CNTNAP2: variants seen among roughly 807,000 people sequenced by gnomAD.
The protein encoded by CNTNAP2 is contactin-associated protein-like 2.
CNTNAP2 carries 98 observed loss-of-function variants against 155.2 expected under a neutral mutation model. The ratio of observed to expected loss-of-function variants is 0.63; its 90% confidence interval spans 0.54 to 0.75. The LOEUF is 0.75. CNTNAP2 is among the 30% of genes least tolerant of loss of function. The pLI, the probability that CNTNAP2 is intolerant of heterozygous loss-of-function variation, is 0.00. For synonymous variants in CNTNAP2, 651 were observed against 631.2 expected (o/e 1.03, Z -0.47); for missense variants, 1,727 against 1,688.1 (o/e 1.02, Z -0.40).
intron 1 of CNTNAP2, among the ~76,000 whole-genome samples, chr7:146,449,934 T>A (rs1796453863): frequency 6.6e-6 from 1 of 152,184 alleles, no homozygotes; most frequent in South Asian, 2.1e-4. Context: ...CCAGTTGATT[T>A]CTGTGGAGCA....
chr7:147,557,212 C>T (rs112440886), intron 11 of CNTNAP2, among the ~76,000 whole-genome samples: 4 of 151,624 alleles, frequency 2.6e-5, no homozygotes, highest in African/African-American at 4.8e-5. Flanking sequence ...TGCAGTGAGC[C>T]GAGATTGCAC....
At chr7:148,177,895 G>GTTTTTTT (rs71527883) in intron 18 of CNTNAP2, among the ~76,000 whole-genome samples, 1 of 146,724 alleles carries the variant, frequency 6.8e-6, no homozygotes, top group African/African-American at 2.5e-5. Flanking sequence ...AACAGACACT[G>GTTTTTTT]TTTTTTTTTT....
chr7:146,407,803 A>G (rs1795813786), intron 1 of CNTNAP2, among the ~76,000 whole-genome samples: 1 of 152,242 alleles, frequency 6.6e-6, no homozygotes, highest in Non-Finnish European at 1.5e-5. Flanking sequence ...AGACAGCAAG[A>G]CCAAGCCCTC....
intron 3 of CNTNAP2, among the ~76,000 whole-genome samples, chr7:146,983,237 A>T (rs1524339): frequency 6.6e-6 from 1 of 152,014 alleles, no homozygotes; most frequent in African/African-American, 2.4e-5. Flanking sequence ...GCTGAATGGA[A>T]GTGGGAGTGT....
chr7:146,879,848 A>G (rs1212908528), intron 3 of CNTNAP2, among the ~76,000 whole-genome samples: 2 of 152,136 alleles, frequency 1.3e-5, no homozygotes, highest in Admixed American at 6.6e-5. Flanking sequence ...TAATTTATAA[A>G]GAAAAAGAAG....
chr7:146,296,543 C>T (rs1800517608), intron 1 of CNTNAP2, among the ~76,000 whole-genome samples: 1 of 152,070 alleles, frequency 6.6e-6, no homozygotes, highest in Non-Finnish European at 1.5e-5. Flanking sequence ...TTCCAGGCAG[C>T]AGACTTCAGG....
chr7:148,115,304 T>C (rs1804444156), intron 15 of CNTNAP2, among the ~76,000 whole-genome samples: 1 of 152,256 alleles, frequency 6.6e-6, no homozygotes, highest in Non-Finnish European at 1.5e-5. Flanking sequence ...CTTTTAGCTT[T>C]CCTTTTTCTA....
intron 14 of CNTNAP2, among the ~76,000 whole-genome samples, chr7:147,951,463 A>ATG (rs1800928853): frequency 6.6e-6 from 1 of 152,216 alleles, no homozygotes; most frequent in African/African-American, 2.4e-5. Flanking sequence ...CTTAGAATAT[A>ATG]TGTTCCAAAC....
At chr7:146,881,105 G>T (rs1367952189) in intron 3 of CNTNAP2, among the ~76,000 whole-genome samples, 2 of 152,030 alleles carry the variant, frequency 1.3e-5, no homozygotes, top group Admixed American at 1.3e-4. Flanking sequence ...CCAGAATTTT[G>T]AGCCAAGTCT....
At chr7:147,545,619 G>T (rs759500130) in intron 11 of CNTNAP2, among the ~76,000 whole-genome samples, 7 of 152,166 alleles carry the variant, frequency 4.6e-5, no homozygotes, top group African/African-American at 7.2e-5. Flanking sequence ...CTTGCCTGGG[G>T]CTGGGCAGTC....
At chr7:147,094,324 TTTC>T (rs1471922109) in intron 4 of CNTNAP2, among the ~76,000 whole-genome samples, 2 of 152,170 alleles carry the variant, frequency 1.3e-5, no homozygotes, top group Non-Finnish European at 2.9e-5. Context: ...GCTCTCCTCT[TTTC>T]TTCTTAAGTC....
At position 146,674,750 on chromosome 7, in the gene CNTNAP2, G is replaced by A. The variant is rs564800383; in HGVS notation, c.98-99521G>A. Among the ~76,000 whole-genome samples the A allele has an allele frequency of 9.9e-5, 15 of 152,198 alleles. No homozygotes were observed. The South Asian group carries it at 3.1e-3, about 32-fold the overall frequency. On this transcript the variant is annotated intron_variant, in intron 1 of 23. Coordinates refer to ENST00000361727, the MANE Select transcript of CNTNAP2 (RefSeq NM_014141.6). The stretch of plus-strand genomic sequence containing the variant: ...GGAAGAGACTAGATAAAGAAAAGGA[G>A]GGTTTAATCCCTGGGTGGCCGGAGT...
intron 1 of CNTNAP2, among the ~76,000 whole-genome samples, chr7:146,232,924 C>T (rs910997316): frequency 6.6e-6 from 1 of 152,098 alleles, no homozygotes; most frequent in Non-Finnish European, 1.5e-5. Flanking sequence ...GGCCCTTAGG[C>T]TCCAGTTAAG....
At chr7:146,536,191 A>C (rs904859734) in intron 1 of CNTNAP2, among the ~76,000 whole-genome samples, 4 of 151,986 alleles carry the variant, frequency 2.6e-5, no homozygotes, top group Non-Finnish European at 5.9e-5. Context: ...AGCAAATTGC[A>C]CTCAGAATTA....
At chr7:148,358,762 G>A (rs1798566549) in intron 21 of CNTNAP2, among the ~76,000 whole-genome samples, 1 of 152,190 alleles carries the variant, frequency 6.6e-6, no homozygotes, top group Non-Finnish European at 1.5e-5. Context: ...CTCCAGGCCT[G>A]TTTCCTCTGT....
At chr7:146,133,240 G>A (rs1328283852) in intron 1 of CNTNAP2, among the ~76,000 whole-genome samples, 6 of 152,034 alleles carry the variant, frequency 3.9e-5, no homozygotes, top group African/African-American at 1.2e-4. Flanking sequence ...CATGTCCTTT[G>A]CCCACTTTTT....
chr7:147,067,246 A>AGTG (rs1799798373), intron 4 of CNTNAP2, among the ~76,000 whole-genome samples: 1 of 141,582 alleles, frequency 7.1e-6, no homozygotes, highest in African/African-American at 2.7e-5. Flanking sequence ...AGCCAAGGTC[A>AGTG]CGCCAATGCA....
At chr7:147,353,825 T>A (rs1331548621) in intron 9 of CNTNAP2, among the ~76,000 whole-genome samples, 2 of 152,176 alleles carry the variant, frequency 1.3e-5, no homozygotes, top group Non-Finnish European at 2.9e-5. Flanking sequence ...CCTGACTTAA[T>A]GATCGCCATT....
intron 13 of CNTNAP2, among the ~76,000 whole-genome samples, chr7:147,849,203 A>G (rs188732503): frequency 1.3e-3 from 199 of 152,352 alleles, no homozygotes; most frequent in African/African-American, 3.8e-3. Context: ...CATTATGACA[A>G]TCTGCACAGA....
Sources: allele counts gnomAD v4.1 joint callset (sites outside exome capture counted in the v4.1 genomes callset), GRCh38; gene constraint gnomAD v4.1.1; transcripts MANE v1.5; gene names NCBI Gene and HGNC (gene_info 2026-07-23, HGNC 2026-07-21).